The following CCBE1 variants were observed in gnomAD, a reference collection of about 807,000 sequenced individuals.
The protein encoded by CCBE1 is collagen and calcium-binding EGF domain-containing protein 1.
In CCBE1, 37 loss-of-function variants were observed where a neutral mutation model predicts 50.0. That is an observed-to-expected ratio of 0.74 (90% CI 0.57 to 0.97). The LOEUF is 0.97. Among genes scored for constraint, CCBE1 ranks in the 50% least tolerant of loss-of-function variants. CCBE1 has a pLI of 0.00. For missense variants in CCBE1, 538 were observed against 523.8 expected (o/e 1.03, Z -0.26); for synonymous variants, 234 against 203.7 (o/e 1.15, Z -1.27).
chr18:59,500,130 C>T (rs921463975), intron 2 of CCBE1, among the ~76,000 whole-genome samples: 6 of 152,162 alleles, frequency 3.9e-5, no homozygotes. Flanking sequence ...CCTCTTAGGC[C>T]ACCCGCAGGT....
At chr18:59,470,551 G>A (rs664280) in intron 3 of CCBE1, among the ~76,000 whole-genome samples, 64,078 of 151,722 alleles carry the variant, frequency 0.42, 13,725 homozygotes, top group South Asian at 0.51. Context: ...GGGTGAGTTT[G>A]AATGGCTAGA....
At chr18:59,455,437 G>A (rs1598914442) in intron 5 of CCBE1, among the ~76,000 whole-genome samples, 2 of 152,208 alleles carry the variant, frequency 1.3e-5, no homozygotes, top group African/African-American at 4.8e-5. Flanking sequence ...TGACCTCACC[G>A]ACGCGTGAGG....
At chr18:59,628,309 A>C (rs991719052) in intron 2 of CCBE1, among the ~76,000 whole-genome samples, 11 of 152,188 alleles carry the variant, frequency 7.2e-5, no homozygotes, top group African/African-American at 2.4e-4. Context: ...AGTGGAAGCT[A>C]CTATTTTTCA....
rs1437521994 is a variant in CCBE1, at chr18:59,435,931, C to T, written c.1198G>A (p.Ala400Thr). The T allele has an allele frequency of 2.5e-6, 4 of 1,613,982 alleles. No homozygotes were observed. The South Asian group carries it at 3.3e-5, about 13-fold the overall frequency. Reference protein sequence around the residue: ...PRRTETRDLRAPRDFYP With the variant: ...PRRTETRDLRTPRDFYP ...TGCTATGGGTAGAAGTCTCTGGGGG[C>T]TCTCAAGTCTCTTGTCTCAGTTCTT... The change falls in exon 11 of 11, where the codon GCC becomes ACC. Residue 400 changes from alanine (A) to threonine (T), a missense_variant. Physicochemically the swap from Ala to Thr is moderately conservative, Grantham distance 58. Transcript: ENST00000439986.
chr18:59,473,990 G>A (rs1481046398), intron 3 of CCBE1, among the ~76,000 whole-genome samples: 1 of 151,978 alleles, frequency 6.6e-6, no homozygotes, highest in Non-Finnish European at 1.5e-5. Context: ...TGTGGTACTT[G>A]TGTTTTTCTC....
chr18:59,436,661 T>C (rs1179438820), intron 10 of CCBE1, among the ~76,000 whole-genome samples: 1 of 152,220 alleles, frequency 6.6e-6, no homozygotes, highest in Non-Finnish European at 1.5e-5. Flanking sequence ...GCTTTGAGCA[T>C]AATACGTATT....
intron 2 of CCBE1, among the ~76,000 whole-genome samples, chr18:59,619,851 C>A (rs2053688625): frequency 6.6e-6 from 1 of 152,160 alleles, no homozygotes; most frequent in Non-Finnish European, 1.5e-5. Context: ...TATCTAACTT[C>A]ATTTTTGATG....
intron 2 of CCBE1, among the ~76,000 whole-genome samples, chr18:59,496,561 T>C (rs1015129693): frequency 2.6e-5 from 4 of 152,196 alleles, no homozygotes; most frequent in African/African-American, 9.6e-5. Flanking sequence ...ACCTCAGTCA[T>C]GTTTCTTGTA....
chr18:59,678,972 T>G (rs900936431), intron 2 of CCBE1, among the ~76,000 whole-genome samples: 6 of 152,194 alleles, frequency 3.9e-5, no homozygotes, highest in African/African-American at 1.4e-4. Flanking sequence ...AATATACATA[T>G]AAAAATAAAT....
At chr18:59,696,853 G>A (rs1042256025) in intron 1 of CCBE1, 144 bp from the exon 2 acceptor site, 60 of 920,494 alleles carry the variant, frequency 6.5e-5, no homozygotes, top group Non-Finnish European at 8.1e-5. Context: ...AAACGCGTAC[G>A]CGGGGCAGAC....
chr18:59,514,576 T>G (rs1004755237), intron 2 of CCBE1, among the ~76,000 whole-genome samples: 3 of 148,636 alleles, frequency 2.0e-5, no homozygotes, highest in African/African-American at 7.4e-5. Context: ...TTGTTTTCTA[T>G]GGAATACAGA....
Position 59,673,154 on chromosome 18 carries a change from A to G in CCBE1, c.212+23475T>C, listed in dbSNP as rs537935905. On this transcript the variant is annotated intron_variant, in intron 2 of 10. Transcript: ENST00000439986. ...CATCTCTTCTGGAACATGAGGATTA[A>G]AAATAGTTTGTTGAGGCCAGGCGTG... 3.9e-5 allele frequency among the ~76,000 whole-genome samples: 6 copies of G among 152,332 alleles called. No individual in the cohort carries two copies. The East Asian group carries it at 1.2e-3, about 29-fold the overall frequency.
intron 5 of CCBE1, among the ~76,000 whole-genome samples, chr18:59,455,983 C>A (rs1436512050): frequency 6.6e-6 from 1 of 152,222 alleles, no homozygotes; most frequent in Non-Finnish European, 1.5e-5. Context: ...TTCTTCCTGG[C>A]CCGTATACTT....
chr18:59,577,488 C>T lies in CCBE1; in HGVS notation c.213-97250G>A, dbSNP rs375342533. Among the ~76,000 whole-genome samples, 132 of 152,268 alleles carry T rather than the reference C, an allele frequency of 8.7e-4. 1 individual carries two copies. Among genetic ancestry groups the T allele is most frequent in the African/African-American group, 3.1e-3 (130 of 41,550 alleles). ...TTCTTAAGCTGAATCATAAAGTCTA[C>T]CCCAGACATATGAGATCACATTTGA... On this transcript the variant is annotated intron_variant, in intron 2 of 10. Transcript: ENST00000439986.
intron 2 of CCBE1, among the ~76,000 whole-genome samples, chr18:59,502,470 C>T (rs1913669507): frequency 8.2e-6 from 1 of 121,824 alleles, no homozygotes; most frequent in Non-Finnish European, 1.7e-5. Context: ...AACAGGTATC[C>T]ATTATCTCCT....
intron 2 of CCBE1, among the ~76,000 whole-genome samples, chr18:59,626,991 G>A (rs144697096): frequency 5.8e-4 from 88 of 152,298 alleles, no homozygotes; most frequent in African/African-American, 2.1e-3. Flanking sequence ...TGTCCATCCT[G>A]TTGTAGAGAT....
intron 2 of CCBE1, among the ~76,000 whole-genome samples, chr18:59,522,974 AGAGT>A (rs147178481): frequency 0.085 from 11,098 of 130,648 alleles, 594 homozygotes; most frequent in South Asian, 0.11. Context: ...CCTGGGCAAC[AGAGT>A]GAGAGACTCT....
At chr18:59,448,356 T>A (rs1378377870) in intron 6 of CCBE1, among the ~76,000 whole-genome samples, 1 of 152,192 alleles carries the variant, frequency 6.6e-6, no homozygotes, top group Admixed American at 6.5e-5. Flanking sequence ...GGCCTAGATA[T>A]CACTAGAACT....
At chr18:59,657,331 C>T (rs1456634196) in intron 2 of CCBE1, among the ~76,000 whole-genome samples, 1 of 152,166 alleles carries the variant, frequency 6.6e-6, no homozygotes, top group Non-Finnish European at 1.5e-5. Context: ...AATGCCAAGG[C>T]TGTGACTATA....
Sources: allele counts gnomAD v4.1 joint callset (sites outside exome capture counted in the v4.1 genomes callset), GRCh38; gene constraint gnomAD v4.1.1; transcripts MANE v1.5; gene names NCBI Gene and HGNC (gene_info 2026-07-23, HGNC 2026-07-21).